Variants in KATNIP observed in about 807,000 individuals in gnomAD.
KATNIP encodes the protein katanin interacting protein, also known as katanin-interacting protein.
A neutral mutation model predicts 174.0 loss-of-function variants in KATNIP; 126 were observed. That is an observed-to-expected ratio of 0.72 (90% CI 0.63 to 0.84). KATNIP has a LOEUF of 0.84. KATNIP is among the 40% of genes least tolerant of loss of function. KATNIP has a pLI of 0.00. For missense variants in KATNIP, 1,958 were observed against 2,109.7 expected (o/e 0.93, Z 1.41); for synonymous variants, 810 against 835.7 (o/e 0.97, Z 0.53).
chr16:27,629,165 C>CAAAAA (rs1169255800), intron 4 of KATNIP, among the ~76,000 whole-genome samples: 1 of 63,972 alleles, frequency 1.6e-5, no homozygotes, highest in Non-Finnish European at 3.3e-5. Flanking sequence ...GAGACTCTGT[C>CAAAAA]AAAAAAAAAA....
intron 1 of KATNIP, among the ~76,000 whole-genome samples, chr16:27,559,840 G>A (rs2089787728): frequency 6.6e-6 from 1 of 151,712 alleles, no homozygotes; most frequent in South Asian, 2.1e-4. Flanking sequence ...AATTAGCCAG[G>A]CATGGTGGCA....
intron 6 of KATNIP, among the ~76,000 whole-genome samples, chr16:27,666,226 G>C (rs2077677943): frequency 6.6e-6 from 1 of 152,190 alleles, no homozygotes; most frequent in Admixed American, 6.5e-5. Context: ...ATGCACTTTA[G>C]AGGCTGAACT....
intron 4 of KATNIP, among the ~76,000 whole-genome samples, chr16:27,630,289 G>T (rs1462015953): frequency 8.5e-5 from 13 of 152,218 alleles, no homozygotes; most frequent in Admixed American, 8.5e-4. Flanking sequence ...CACCTTGCAG[G>T]CTTGCTGGGA....
chr16:27,662,073 C>T lies in KATNIP; in HGVS notation c.540+13338C>T, dbSNP rs1266512461. Among the ~76,000 whole-genome samples, 54 of 40,366 alleles carry T rather than the reference C, an allele frequency of 1.3e-3. 1 individual carries two copies. The highest frequency in any genetic ancestry group is 1.7e-3 in the Non-Finnish European group (34 of 20,032). The allele number at this position is 40,366 out of a possible 152,430, so 26.5% of individuals were successfully genotyped here. Reference sequence around the variant, plus strand: ...ACATATATATATATATATATATATACACACATATATATATACACATACATA... The same window carrying T: ...ACATATATATATATATATATATATATACACATATATATATACACATACATA... On this transcript the variant is annotated intron_variant, in intron 6 of 27. Coordinates refer to ENST00000261588, the MANE Select transcript of KATNIP (RefSeq NM_015202.5).
chr16:27,742,798 T>C (rs560012376), intron 15 of KATNIP, among the ~76,000 whole-genome samples: 10 of 152,336 alleles, frequency 6.6e-5, no homozygotes, highest in African/African-American at 2.4e-4. Flanking sequence ...TGGTGAAATA[T>C]CTATGCAAAG....
At chr16:27,713,820 A>ATGTGTGTG (rs1567336934) in intron 13 of KATNIP, among the ~76,000 whole-genome samples, 4 of 37,752 alleles carry the variant, frequency 1.1e-4, no homozygotes, top group African/African-American at 1.5e-4. Flanking sequence ...ATATATATAT[A>ATGTGTGTG]TATATATATA....
rs1369138779 is a variant in KATNIP at position 27,776,033 on chromosome 16, G to T, written c.4450-895G>T. The stretch of plus-strand genomic sequence containing the variant: ...ATTTTCCATTGTCTAGCACTGGAAG[G>T]CCTTTTGGGGTGCGGCGACTTCAGC... On this transcript the variant is annotated intron_variant, in intron 24 of 27. Coordinates refer to ENST00000261588, the MANE Select transcript of KATNIP (RefSeq NM_015202.5). The surrounding 1 kb of genome is among the most constrained non-coding windows in gnomAD (Gnocchi z 4.7). Among the ~76,000 whole-genome samples, 1 of 152,174 alleles carries T rather than the reference G, an allele frequency of 6.6e-6. No individual in the cohort carries two copies. Among genetic ancestry groups the T allele is most frequent in the East Asian group, 1.9e-4 (1 of 5,192 alleles).
intron 4 of KATNIP, 31 bp downstream of exon 4, chr16:27,628,861 GCT>G (rs2076405880): frequency 1.2e-6 from 2 of 1,610,018 alleles, no homozygotes; most frequent in Non-Finnish European, 1.7e-6. Context: ...CTGAGTCTCA[GCT>G]CTGTTAATCA....
chr16:27,755,367 G>C (rs370524047), intron 18 of KATNIP: 13 of 152,366 alleles, frequency 8.5e-5, no homozygotes, highest in East Asian at 5.8e-4. Context: ...TCGCTGGCTA[G>C]GTTCCCTAGA....
chr16:27,738,053 CA>C (rs1356756978), intron 14 of KATNIP, among the ~76,000 whole-genome samples: 3 of 152,014 alleles, frequency 2.0e-5, no homozygotes, highest in African/African-American at 7.3e-5. Flanking sequence ...GGGTGACGGA[CA>C]GATCATGCGG....
At chr16:27,569,539 A>G (rs996406075) in intron 1 of KATNIP, among the ~76,000 whole-genome samples, 1 of 152,246 alleles carries the variant, frequency 6.6e-6, no homozygotes, top group African/African-American at 2.4e-5. Flanking sequence ...AGTGGCATAT[A>G]TTGATATTAA....
chr16:27,720,147 A>G (rs563487833), intron 13 of KATNIP, among the ~76,000 whole-genome samples: 4 of 152,112 alleles, frequency 2.6e-5, no homozygotes, highest in South Asian at 2.1e-4. Flanking sequence ...TTGGAGTTCA[A>G]TGGCACGATC....
intron 5 of KATNIP, among the ~76,000 whole-genome samples, chr16:27,639,475 C>T (rs2076733272): frequency 1.3e-5 from 2 of 152,214 alleles, no homozygotes; most frequent in African/African-American, 4.8e-5. Context: ...CGTCGTTTAC[C>T]AAAATGCTGT....
chr16:27,555,820 G>T (rs1281899452), intron 1 of KATNIP, among the ~76,000 whole-genome samples: 1 of 143,722 alleles, frequency 7.0e-6, no homozygotes, highest in South Asian at 2.2e-4. Flanking sequence ...TGGGCAACAA[G>T]AGCGAAACTC....
At chr16:27,650,839 C>T (rs887402324) in intron 6 of KATNIP, among the ~76,000 whole-genome samples, 3 of 152,170 alleles carry the variant, frequency 2.0e-5, no homozygotes, top group Non-Finnish European at 4.4e-5. Context: ...TTTCTCTGCC[C>T]AGTCCATTAA....
chr16:27,564,727 G>GCAGAGC (rs1363640616), intron 1 of KATNIP, among the ~76,000 whole-genome samples: 1 of 152,036 alleles, frequency 6.6e-6, no homozygotes, highest in African/African-American at 2.4e-5. Context: ...AAGGGGTGTT[G>GCAGAGC]CAGAGCCGGT....
intron 6 of KATNIP, among the ~76,000 whole-genome samples, chr16:27,671,848 G>A (rs1261704787): frequency 6.6e-6 from 1 of 152,094 alleles, no homozygotes; most frequent in Non-Finnish European, 1.5e-5. Flanking sequence ...CTGAAGTCGG[G>A]AGTTCAAGAC....
Position 27,777,490 on chromosome 16 carries a change from T to G in KATNIP, c.4552-120T>G. 2 of 914,712 alleles carry G rather than the reference T, an allele frequency of 2.2e-6. No homozygotes were observed. The highest frequency in any genetic ancestry group is 3.2e-6 in the Non-Finnish European group (2 of 619,746). 56.7% of individuals were successfully genotyped at this position (914,712 alleles called of 1,614,324 possible). ...AGACACAGCACACAGTAGGCGCTTG[T>G]TCCTGACAGCCCCGTCTTCCCGAGG... On this transcript the variant is annotated intron_variant, in intron 25 of 27. Transcript: ENST00000261588. The surrounding 1 kb of genome is among the most constrained non-coding windows in gnomAD (Gnocchi z 4.4).
intron 15 of KATNIP, among the ~76,000 whole-genome samples, chr16:27,742,184 T>C (rs1237410324): frequency 6.6e-6 from 1 of 152,296 alleles, no homozygotes; most frequent in African/African-American, 2.4e-5. Flanking sequence ...GCACTCAGAC[T>C]TGGCTCCTGG....
Sources: gnomAD v4.1 joint callset for allele counts (sites outside exome capture counted in the v4.1 genomes callset) on GRCh38, gnomAD v4.1.1 for gene constraint, Gnocchi (gnomAD v3.1) non-coding constraint, MANE v1.5 for transcripts, NCBI Gene and HGNC (gene_info 2026-07-23, HGNC 2026-07-21) for gene names.